The following PDE10A variants were observed in gnomAD, a reference collection of about 807,000 sequenced individuals.
PDE10A encodes cAMP and cAMP-inhibited cGMP 3',5'-cyclic phosphodiesterase 10A.
A neutral mutation model predicts 97.7 loss-of-function variants in PDE10A; 39 were observed. That is an observed-to-expected ratio of 0.40 (90% CI 0.31 to 0.52). The LOEUF (loss-of-function observed/expected upper bound fraction) is 0.52, where lower values mean the gene tolerates loss of function less well. Ranked by LOEUF, PDE10A falls within the 20% of genes least tolerant of loss-of-function variation. The pLI is 0.56. For missense variants in PDE10A, 731 were observed against 1,047.8 expected (o/e 0.70, Z 4.17); for synonymous variants, 371 against 376.8 (o/e 0.98, Z 0.18).
intron 1 of PDE10A, among the ~76,000 whole-genome samples, chr6:165,606,343 A>C (rs1787208633): frequency 6.6e-6 from 1 of 152,082 alleles, no homozygotes; most frequent in African/African-American, 2.4e-5. Context: ...AACTGAAAAC[A>C]CACAGGATTT....
intron 1 of PDE10A, among the ~76,000 whole-genome samples, chr6:165,919,686 A>G (rs559437740): frequency 3.0e-4 from 45 of 152,354 alleles, no homozygotes; most frequent in African/African-American, 1.0e-3. Context: ...CAGCCTGGAT[A>G]GGCCTGCTGT....
intron 10 of PDE10A, among the ~76,000 whole-genome samples, chr6:165,423,849 A>AG (rs1258741880): frequency 1.6e-5 from 2 of 122,394 alleles, no homozygotes; most frequent in Non-Finnish European, 3.5e-5. Context: ...ACTATGTCTC[A>AG]GGAAAAAAAA....
At chr6:165,862,180 A>T (rs1213400729) in intron 1 of PDE10A, among the ~76,000 whole-genome samples, 1 of 152,234 alleles carries the variant, frequency 6.6e-6, no homozygotes, top group East Asian at 1.9e-4. Context: ...ACTGAGATAC[A>T]TGATTTCACA....
intron 1 of PDE10A, among the ~76,000 whole-genome samples, chr6:165,870,613 G>A (rs1365021388): frequency 3.3e-5 from 5 of 152,090 alleles, no homozygotes; most frequent in Admixed American, 1.3e-4. Flanking sequence ...GTATTTATCC[G>A]AAGGAAAGGA....
intron 1 of PDE10A, among the ~76,000 whole-genome samples, chr6:165,573,522 C>T (rs1785154476): frequency 6.6e-6 from 1 of 152,120 alleles, no homozygotes; most frequent in African/African-American, 2.4e-5. Context: ...ATACTGGTGA[C>T]AGAGTTTAAG....
At chr6:165,869,843 G>A (rs1781152318) in intron 1 of PDE10A, among the ~76,000 whole-genome samples, 3 of 151,890 alleles carry the variant, frequency 2.0e-5, no homozygotes, top group African/African-American at 7.3e-5. Context: ...CATACATCAG[G>A]GAAAGGACAC....
chr6:165,873,056 C>A (rs1162424025), intron 1 of PDE10A, among the ~76,000 whole-genome samples: 1 of 152,178 alleles, frequency 6.6e-6, no homozygotes, highest in Non-Finnish European at 1.5e-5. Context: ...AGACTTCCAA[C>A]CCCTCTTTGG....
chr6:165,686,776 T>G (rs1323484555), intron 1 of PDE10A, among the ~76,000 whole-genome samples: 1 of 152,224 alleles, frequency 6.6e-6, no homozygotes. Flanking sequence ...GACCGCCTCA[T>G]TAGCCGGTCG....
intron 1 of PDE10A, among the ~76,000 whole-genome samples, chr6:165,857,741 A>G (rs932320542): frequency 1.4e-5 from 2 of 144,024 alleles, no homozygotes; most frequent in African/African-American, 5.3e-5. Context: ...GTGTGTGAAG[A>G]ATGATTGTGC....
chr6:165,406,163 ATTCAGT>A (rs1787132914), intron 13 of PDE10A, among the ~76,000 whole-genome samples: 2 of 151,234 alleles, frequency 1.3e-5, no homozygotes, highest in African/African-American at 4.9e-5. Flanking sequence ...CCCAAAAATA[ATTCAGT>A]TTAAGAATTG....
intron 5 of PDE10A, among the ~76,000 whole-genome samples, chr6:165,435,890 G>C (rs909756785): frequency 2.6e-5 from 4 of 152,138 alleles, no homozygotes; most frequent in Non-Finnish European, 5.9e-5. Context: ...TAAAATTGCA[G>C]ATTCAGAATA....
At chr6:165,869,154 C>A (rs926734408) in intron 1 of PDE10A, among the ~76,000 whole-genome samples, 4 of 151,890 alleles carry the variant, frequency 2.6e-5, no homozygotes, top group Non-Finnish European at 4.4e-5. Flanking sequence ...AAGAAGAAGT[C>A]AAATATTCCT....
chr6:165,803,907 C>T (rs1779046804), intron 1 of PDE10A, among the ~76,000 whole-genome samples: 1 of 152,216 alleles, frequency 6.6e-6, no homozygotes, highest in Non-Finnish European at 1.5e-5. Context: ...GTCTCATCAT[C>T]TGCCTCCCTC....
intron 1 of PDE10A, among the ~76,000 whole-genome samples, chr6:165,868,716 A>G (rs1276136092): frequency 6.6e-6 from 1 of 152,126 alleles, no homozygotes; most frequent in African/African-American, 2.4e-5. Context: ...TTTTTAGAAA[A>G]GAAAGAAAAC....
rs1790264614 is a variant in PDE10A, at chr6:165,661,588, C to T, written c.865+359G>A. ...CTCAAGAGGGAGGAACCTAAGTGGT[C>T]ACAAAGTTGAGTATAAATACGCGCC... On this transcript the variant is annotated intron_variant, in intron 1 of 21. Coordinates refer to ENST00000539869, the MANE Select transcript of PDE10A (RefSeq NM_001385079.1). The surrounding 1 kb of genome is among the most constrained non-coding windows in gnomAD (Gnocchi z 4.8). The T allele has an allele frequency of 4.4e-6, 1 of 229,796 alleles. No homozygotes were observed. The highest frequency in any genetic ancestry group is 5.9e-5 in the Admixed American group (1 of 16,860). The allele number at this position is 229,796 out of a possible 1,614,324, so 14.2% of individuals were successfully genotyped here. A position where few individuals can be genotyped will look rare whatever the true frequency, so the allele number is the denominator to read the frequency against.
chr6:165,857,561 T>C (rs1428814175), intron 1 of PDE10A, among the ~76,000 whole-genome samples: 3 of 152,064 alleles, frequency 2.0e-5, no homozygotes, highest in African/African-American at 2.4e-5. Flanking sequence ...CCGGCATCCT[T>C]TGAGGTTGCA....
chr6:165,883,492 A>T (rs1453143934), intron 1 of PDE10A, among the ~76,000 whole-genome samples: 7 of 151,426 alleles, frequency 4.6e-5, no homozygotes, highest in Admixed American at 4.6e-4. Context: ...GTGAGCTAAG[A>T]CCACGCCACT....
intron 18 of PDE10A, among the ~76,000 whole-genome samples, chr6:165,359,903 G>A (rs574420336): frequency 7.9e-5 from 12 of 152,222 alleles, no homozygotes; most frequent in African/African-American, 2.9e-4. Flanking sequence ...GTGGCCTGAG[G>A]CTTTAGAGTG....
chr6:165,416,724 G>A (rs1431927595), intron 11 of PDE10A, among the ~76,000 whole-genome samples: 1 of 152,092 alleles, frequency 6.6e-6, no homozygotes, highest in African/African-American at 2.4e-5. Flanking sequence ...CTCTACCATC[G>A]TGCTTTCTAC....
Sources: allele counts gnomAD v4.1 joint callset (sites outside exome capture counted in the v4.1 genomes callset), GRCh38; gene constraint gnomAD v4.1.1; non-coding constraint Gnocchi (gnomAD v3.1); transcripts MANE v1.5; gene names NCBI Gene and HGNC (gene_info 2026-07-23, HGNC 2026-07-21).